Variants in EXTL1 observed in about 807,000 individuals in gnomAD.
EXTL1 encodes the protein exostosin-like 1.
In EXTL1, 43 loss-of-function variants were observed where a neutral mutation model predicts 64.6. The ratio of observed to expected loss-of-function variants is 0.67; its 90% confidence interval spans 0.52 to 0.86. The LOEUF (loss-of-function observed/expected upper bound fraction) is 0.86. Among genes scored for constraint, EXTL1 ranks in the 40% least tolerant of loss-of-function variants. EXTL1 has a pLI of 0.00. For missense variants in EXTL1, 766 were observed against 879.0 expected (o/e 0.87, Z 1.62); for synonymous variants, 352 against 360.5 (o/e 0.98, Z 0.27).
intron 2 of EXTL1, 56 bp downstream of exon 2, chr1:26,029,342 G>T: frequency 7.0e-7 from 1 of 1,425,490 alleles, no homozygotes; most frequent in South Asian, 1.2e-5. Flanking sequence ...TCATGAGCTG[G>T]CAGGGTACTC....
In EXTL1 at chr1:26,035,103, C is replaced by T; in HGVS notation, c.1849-62C>T. ...TCTAATTCCAGTCTTTCTTGCTGCA[C>T]GGGCGTGGGGAGTTCGGAAGGGCAG... On this transcript the variant is annotated intron_variant, in intron 10 of 10. Transcript: ENST00000374280. This position sits in a 1 kb window ranked among gnomAD's most constrained non-coding sequence, Gnocchi z 5.3. 3 of 1,590,140 alleles carry T rather than the reference C, an allele frequency of 1.9e-6. No individual in the cohort carries two copies. Among genetic ancestry groups the T allele is most frequent in the Non-Finnish European group, 2.6e-6 (3 of 1,163,720 alleles).
At chr1:26,029,057 G>A in intron 1 of EXTL1, 136 bp from the exon 2 acceptor site, 1 of 616,168 alleles carries the variant, frequency 1.6e-6, no homozygotes, top group Non-Finnish European at 3.0e-6. Flanking sequence ...CTGTGCATAT[G>A]CATGAGTGGG....
rs1557548800 is a variant in EXTL1, at chr1:26,023,013, T to G, written c.367T>G (p.Phe123Val). 1 of 1,614,116 alleles carries G rather than the reference T, an allele frequency of 6.2e-7. No individual in the cohort carries two copies. Residue 123 changes from phenylalanine to valine, a missense_variant, in exon 1 of 11, where the codon TTC (phenylalanine) becomes GTC (valine). By Grantham distance (50) the Phe-to-Val change is conservative. Coordinates refer to ENST00000374280, the MANE Select transcript of EXTL1 (RefSeq NM_004455.3). ...CCTGGCTTCCATTGAGGGCTCTCGC[T>G]TCTACACATTCAGCCCTGCTGGGGC... ...RILASIEGSR[F>V]YTFSPAGACL...
In EXTL1 at chr1:26,031,382, C is replaced by T. The variant is rs554890871; in HGVS notation, c.1235-78C>T. On this transcript the variant is annotated intron_variant, in intron 5 of 10. Transcript: ENST00000374280. ...AAGCCCTAACATTTTTCCTGGCCCC[C>T]GGGGATTCCCTACTCAGGTCATTCT... 68 of 1,394,534 alleles carry T rather than the reference C, an allele frequency of 4.9e-5. No homozygotes were observed. The South Asian group carries it at 4.9e-4, about 10-fold the overall frequency. The allele number at this position is 1,394,534 out of a possible 1,614,324, so 86.4% of individuals were successfully genotyped here.
At position 26,034,849 on chromosome 1, in the gene EXTL1, C is replaced by G. The variant is rs1304387590; in HGVS notation, c.1693C>G (p.Leu565Val). The G allele has an allele frequency of 1.6e-5, 26 of 1,614,034 alleles. No individual in the cohort carries two copies. The highest frequency in any genetic ancestry group is 2.1e-5 in the Non-Finnish European group (25 of 1,179,930). The change falls in exon 10 of 11, where the codon CTC becomes GTC. Residue 565 changes from leucine to valine, a missense_variant. Leu to Val is a conservative substitution (Grantham distance 32, BLOSUM62 1). Transcript: ENST00000374280. The surrounding 1 kb of genome is among the most constrained non-coding windows in gnomAD (Gnocchi z 4.6). ...CCTCTTGCCCAGGTATTACCACACT[C>G]TCTTCACCCACTCCCTGCCCAAGGC... ...AAFYHRYYHT[L>V]FTHSLPKALR...
chr1:26,034,862 C>A lies in EXTL1; in HGVS notation c.1706C>A (p.Ser569Tyr), dbSNP rs201305015. Residue 569 changes from serine (S) to tyrosine (Y), a missense_variant, in exon 10 of 11, where the codon TCC becomes TAC. By Grantham distance (144) the Ser-to-Tyr change is moderately radical. Transcript: ENST00000374280. The surrounding 1 kb of genome is among the most constrained non-coding windows in gnomAD (Gnocchi z 4.6). ...TATTACCACACTCTCTTCACCCACT[C>A]CCTGCCCAAGGCTCTGAGGACCCTG... ...HRYYHTLFTH[S>Y]LPKALRTLAD... is the part of the protein sequence containing the mutation. 1.9e-6 allele frequency: 3 copies of A among 1,614,012 alleles called. No homozygotes were observed. Among genetic ancestry groups the A allele is most frequent in the Non-Finnish European group, 2.5e-6 (3 of 1,180,000 alleles).
In EXTL1 at chr1:26,022,729, C is replaced by G. The variant is rs138085133; in HGVS notation, c.83C>G (p.Ser28Cys). The change falls in exon 1 of 11, where the codon TCC (serine) becomes TGC (cysteine). Residue 28 changes from serine to cysteine, a missense_variant. Ser to Cys is a moderately radical substitution (Grantham distance 112). Coordinates refer to ENST00000374280, the MANE Select transcript of EXTL1 (RefSeq NM_004455.3). Reference sequence around the variant, plus strand: ...CTGCTTGTCCTGCTGGGAGGCTTCTCCCTTCTCCGCCTGGCATTGCCTCCC... The same window carrying G: ...CTGCTTGTCCTGCTGGGAGGCTTCTGCCTTCTCCGCCTGGCATTGCCTCCC... ...WLLLVLLGGF[S>C]LLRLALPPRP... 2,307 of 1,614,036 alleles carry G rather than the reference C, an allele frequency of 1.4e-3. 3 individuals are homozygous for G. Among genetic ancestry groups the G allele is most frequent in the Non-Finnish European group, 1.8e-3 (2,133 of 1,179,978 alleles).
rs1557550293 is a variant in EXTL1 at position 26,025,241 on chromosome 1, G to T, written c.779+1816G>T. On this transcript the variant is annotated intron_variant, in intron 1 of 10. Transcript: ENST00000374280. This position sits in a 1 kb window ranked among gnomAD's most constrained non-coding sequence, Gnocchi z 5.3. ...AATAAACAAGTCCTGGCCAGAGAAA[G>T]AGGCCATTCACAGTCCCTGCCACCT... Among the ~76,000 whole-genome samples the T allele has an allele frequency of 6.6e-6, 1 of 152,224 alleles. No individual in the cohort carries two copies.
chr1:26,030,997 G>A, intron 4 of EXTL1, 135 bp from the exon 5 acceptor site: 2 of 1,009,664 alleles, frequency 2.0e-6, no homozygotes, highest in South Asian at 1.4e-5. Flanking sequence ...ATCATGGAGT[G>A]CCCCCTACTC....
Position 26,030,457 on chromosome 1 carries a change from T to G in EXTL1, c.982-19T>G. 1.9e-6 allele frequency: 3 copies of G among 1,603,042 alleles called. No individual in the cohort carries two copies. Among genetic ancestry groups the G allele is most frequent in the Non-Finnish European group, 2.6e-6 (3 of 1,172,554 alleles). ...AAAATTGCTCTATTACCTGGCACTT[T>G]TCTCCCTCTCTGCTCCAGGTCCTGG... is the stretch of plus-strand genomic sequence containing the variant. On this transcript the variant is annotated intron_variant, in intron 3 of 10. Coordinates refer to ENST00000374280, the MANE Select transcript of EXTL1 (RefSeq NM_004455.3).
rs192668123 is a variant in EXTL1 at position 26,025,892 on chromosome 1, T to C, written c.779+2467T>C. ...TTCAAAGTCCCCCAGGCTGTATCCATTGGGAACAAGGGGCACAGTCAGTAC... is the reference window on the plus strand; with the variant it reads ...TTCAAAGTCCCCCAGGCTGTATCCACTGGGAACAAGGGGCACAGTCAGTAC... On this transcript the variant is annotated intron_variant, in intron 1 of 10. Transcript: ENST00000374280. This position sits in a 1 kb window ranked among gnomAD's most constrained non-coding sequence, Gnocchi z 5.3. 1.6e-4 allele frequency among the ~76,000 whole-genome samples: 25 copies of C among 152,280 alleles called. No homozygotes were observed. Among genetic ancestry groups the C allele is most frequent in the Non-Finnish European group, 3.1e-4 (21 of 68,012 alleles).
Position 26,034,581 on chromosome 1 carries a change from C to G in EXTL1, c.1680-255C>G, listed in dbSNP as rs1326232988. On this transcript the variant is annotated intron_variant, in intron 9 of 10. Coordinates refer to ENST00000374280, the MANE Select transcript of EXTL1 (RefSeq NM_004455.3). This position sits in a 1 kb window ranked among gnomAD's most constrained non-coding sequence, Gnocchi z 4.6. Reference sequence around the variant, plus strand: ...CATCTAATTCTGGCTCTGAGTTCAGCGCTCAGAGCCCAAGGATGGGGGGCC... The same window carrying G: ...CATCTAATTCTGGCTCTGAGTTCAGGGCTCAGAGCCCAAGGATGGGGGGCC... 6.6e-6 allele frequency among the ~76,000 whole-genome samples: 1 copy of G among 152,160 alleles called. No individual in the cohort carries two copies. The highest frequency in any genetic ancestry group is 2.4e-5 in the African/African-American group (1 of 41,416).
chr1:26,032,169 C>T, intron 6 of EXTL1: 1 of 501,360 alleles, frequency 2.0e-6, no homozygotes, highest in South Asian at 2.9e-5. Context: ...GTTCTGAAGC[C>T]ACAGGTCACT....
chr1:26,024,600 T>C (rs1040386061), intron 1 of EXTL1, among the ~76,000 whole-genome samples: 1 of 152,220 alleles, frequency 6.6e-6, no homozygotes, highest in Admixed American at 6.5e-5. Flanking sequence ...GGAGTAAGAA[T>C]GGACTTGTCC....
chr1:26,025,981 G>A lies in EXTL1; in HGVS notation c.779+2556G>A, dbSNP rs934751797. 2.0e-5 allele frequency among the ~76,000 whole-genome samples: 3 copies of A among 152,036 alleles called. No individual in the cohort carries two copies. The highest frequency in any genetic ancestry group is 7.2e-5 in the African/African-American group (3 of 41,400). ...TTTCATTTTTTGAAAATCAGGGCTG[G>A]GCATAGTGGCTTACACCTGTGATCC... On this transcript the variant is annotated intron_variant, in intron 1 of 10. Coordinates refer to ENST00000374280, the MANE Select transcript of EXTL1 (RefSeq NM_004455.3). The surrounding 1 kb of genome is among the most constrained non-coding windows in gnomAD (Gnocchi z 5.3).
At chr1:26,032,532 C>T (rs2050299084) in intron 7 of EXTL1, 47 bp downstream of exon 7, 1 of 1,444,470 alleles carries the variant, frequency 6.9e-7, no homozygotes, top group East Asian at 2.5e-5. Flanking sequence ...ATGCTGGGAG[C>T]TGGGGGAGGG....
At chr1:26,030,330 CTTTTTTT>C (rs1213800896) in intron 3 of EXTL1, 139 bp from the exon 4 acceptor site, 8 of 381,860 alleles carry the variant, frequency 2.1e-5, no homozygotes, top group Non-Finnish European at 2.2e-5. Flanking sequence ...CTGAATGCTT[CTTTTTTT>C]TTTTTTTTTT....
rs61739493 is a variant in EXTL1, at chr1:26,035,179, G to T, written c.1863G>T (p.Pro621=). ...TTCCCTCTTAGGCGCCTGGGGGCCC[G>T]GGGCCCAGGCCAAAGCCGCCTGCCC... is the stretch of plus-strand genomic sequence containing the variant. ...QEAAPLAPGG[P]GPRPKPPAPA... is the part of the protein sequence containing the mutation. The change falls in exon 11 of 11, where the codon CCG becomes CCT. Residue 621 remains proline, a synonymous_variant. Coordinates refer to ENST00000374280, the MANE Select transcript of EXTL1 (RefSeq NM_004455.3). The surrounding 1 kb of genome is among the most constrained non-coding windows in gnomAD (Gnocchi z 5.3). 3.8e-3 allele frequency: 6,139 copies of T among 1,602,004 alleles called. 12 individuals are homozygous for T. The highest frequency in any genetic ancestry group is 4.6e-3 in the Non-Finnish European group (5,384 of 1,173,224).
At position 26,029,212 on chromosome 1, in the gene EXTL1, C is replaced by T. The variant is rs763120413; in HGVS notation, c.799C>T (p.Leu267=). 6.2e-7 allele frequency: 1 copy of T among 1,613,782 alleles called. No homozygotes were observed. Among genetic ancestry groups the T allele is most frequent in the Non-Finnish European group, 8.5e-7 (1 of 1,179,838 alleles). The change falls in exon 2 of 11, where the codon CTG becomes TTG. Residue 267 remains leucine (L), a synonymous_variant. Coordinates refer to ENST00000374280, the MANE Select transcript of EXTL1 (RefSeq NM_004455.3). ...CTTTAGGACCCAGCGCCAGGAGACG[C>T]TGCCCAATGCCACCTTCTGCCTCAT... ...GPGQTQRQET[L]PNATFCLISG... is the part of the protein sequence containing the mutation.
Sources: gnomAD v4.1 joint callset for allele counts (sites outside exome capture counted in the v4.1 genomes callset) on GRCh38, gnomAD v4.1.1 for gene constraint, Gnocchi (gnomAD v3.1) non-coding constraint, MANE v1.5 for transcripts, NCBI Gene and HGNC (gene_info 2026-07-23, HGNC 2026-07-21) for gene names.